Variants in ZNF423 observed in about 807,000 individuals in gnomAD.
ZNF423 encodes the protein Ebf-associated zinc finger protein.
In ZNF423, 12 loss-of-function variants were observed where a neutral mutation model predicts 95.8. That is an observed-to-expected ratio of 0.13 (90% CI 0.08 to 0.20). The LOEUF (loss-of-function observed/expected upper bound fraction) is 0.20. ZNF423 is among the 10% of genes least tolerant of loss of function. The pLI, the probability that ZNF423 is intolerant of heterozygous loss-of-function variation, is 1.00. For synonymous variants in ZNF423, 749 were observed against 711.9 expected (o/e 1.05, Z -0.83); for missense variants, 1,316 against 1,737.1 (o/e 0.76, Z 4.31).
At chr16:49,750,747 A>G (rs1248128554) in intron 2 of ZNF423, among the ~76,000 whole-genome samples, 4 of 152,202 alleles carry the variant, frequency 2.6e-5, no homozygotes, top group African/African-American at 4.8e-5. Context: ...GTGAGTGATC[A>G]GCGCATCCAA....
chr16:49,633,394 A>G (rs1018886392), intron 4 of ZNF423, among the ~76,000 whole-genome samples: 16 of 152,206 alleles, frequency 1.1e-4, no homozygotes, highest in Admixed American at 5.9e-4. Flanking sequence ...AATGGTTCAC[A>G]AATGATGGGG....
chr16:49,725,675 A>AG (rs2032992545), intron 3 of ZNF423, among the ~76,000 whole-genome samples: 1 of 152,208 alleles, frequency 6.6e-6, no homozygotes, highest in African/African-American at 2.4e-5. Context: ...GGAGGGCTGC[A>AG]GGGCGTGTGT....
intron 1 of ZNF423, among the ~76,000 whole-genome samples, chr16:49,835,412 C>G (rs1236703801): frequency 6.6e-6 from 1 of 152,212 alleles, no homozygotes; most frequent in Non-Finnish European, 1.5e-5. Context: ...GGCCCCACAT[C>G]CCCGCAGAGG....
intron 1 of ZNF423, among the ~76,000 whole-genome samples, chr16:49,815,121 CTCA>C (rs1172584638): frequency 6.6e-6 from 1 of 152,184 alleles, no homozygotes; most frequent in East Asian, 1.9e-4. Flanking sequence ...CGGCAAGTTA[CTCA>C]GACTCTCAGA....
intron 5 of ZNF423, among the ~76,000 whole-genome samples, chr16:49,557,157 C>T (rs188492969): frequency 2.7e-4 from 41 of 152,334 alleles, no homozygotes; most frequent in African/African-American, 7.9e-4. Context: ...GTGACCAGGG[C>T]GTGCAGGGCG....
chr16:49,602,405 C>T (rs1347450909), intron 5 of ZNF423, among the ~76,000 whole-genome samples: 1 of 152,202 alleles, frequency 6.6e-6, no homozygotes, highest in Non-Finnish European at 1.5e-5. Context: ...CCTTGACAGC[C>T]CAGGCTGAGG....
At chr16:49,677,297 A>AGAAGG (rs2031127388) in intron 3 of ZNF423, among the ~76,000 whole-genome samples, 1 of 78,334 alleles carries the variant, frequency 1.3e-5, no homozygotes, top group Non-Finnish European at 2.6e-5. Flanking sequence ...AGAAGAGAAG[A>AGAAGG]GAAGAGAAGA....
intron 5 of ZNF423, among the ~76,000 whole-genome samples, chr16:49,575,488 C>A (rs888735992): frequency 2.0e-5 from 3 of 152,174 alleles, no homozygotes; most frequent in Non-Finnish European, 2.9e-5. Context: ...TTCACAACAC[C>A]CGGGCTGTGA....
intron 5 of ZNF423, among the ~76,000 whole-genome samples, chr16:49,560,757 T>C (rs973445329): frequency 1.3e-5 from 2 of 152,216 alleles, no homozygotes; most frequent in Admixed American, 6.5e-5. Flanking sequence ...AAAAGAACAA[T>C]GGCTGGATAA....
At chr16:49,572,318 T>C (rs895148496) in intron 5 of ZNF423, among the ~76,000 whole-genome samples, 1 of 151,812 alleles carries the variant, frequency 6.6e-6, no homozygotes, top group Non-Finnish European at 1.5e-5. Context: ...GGGAGAGGCA[T>C]TGGAGCAGGA....
chr16:49,691,887 A>G (rs4533281), intron 3 of ZNF423, among the ~76,000 whole-genome samples: 45,965 of 152,084 alleles, frequency 0.3, 7,569 homozygotes, highest in South Asian at 0.46. Flanking sequence ...GCTGAGGGAC[A>G]GGGCGGCTGT....
At position 49,636,032 on chromosome 16, in the gene ZNF423, G is replaced by A. The variant is rs7359362; in HGVS notation, c.3144C>T (p.Thr1048=). ...TSTLELKIHG[T]FHMQKLAGSS... ...TGCCCGCCAGCTTCTGCATGTGGAA[G>A]GTGCCATGGATCTTGAGCTCAAGCG... Residue 1048 remains threonine, a synonymous_variant, in exon 4 of 8, where the codon ACC becomes ACT. Coordinates refer to ENST00000563137, the MANE Select transcript of ZNF423 (RefSeq NM_001379286.1). This position sits in a 1 kb window ranked among gnomAD's most constrained non-coding sequence, Gnocchi z 8.6. The A allele has an allele frequency of 6.2e-7, 1 of 1,610,182 alleles. No individual in the cohort carries two copies. Among genetic ancestry groups the A allele is most frequent in the South Asian group, 1.1e-5 (1 of 90,896 alleles).
intron 3 of ZNF423, among the ~76,000 whole-genome samples, chr16:49,712,425 AT>A (rs1465264427): frequency 6.6e-6 from 1 of 152,230 alleles, no homozygotes; most frequent in Non-Finnish European, 1.5e-5. Flanking sequence ...TAGAAAGAGA[AT>A]TTGATTTCGG....
chr16:49,763,755 C>T, intron 2 of ZNF423, among the ~76,000 whole-genome samples: 1 of 152,150 alleles, frequency 6.6e-6, no homozygotes, highest in East Asian at 1.9e-4. Context: ...TCATGCCTTC[C>T]TGTTAATTTT....
At chr16:49,598,528 T>G (rs1455205578) in intron 5 of ZNF423, among the ~76,000 whole-genome samples, 1 of 152,186 alleles carries the variant, frequency 6.6e-6, no homozygotes, top group Non-Finnish European at 1.5e-5. Context: ...GAAAGGGGGC[T>G]GCCTGGAGAT....
chr16:49,760,667 T>C (rs1345600512), intron 2 of ZNF423, among the ~76,000 whole-genome samples: 2 of 151,914 alleles, frequency 1.3e-5, no homozygotes, highest in Non-Finnish European at 2.9e-5. Flanking sequence ...CAGCACAAGA[T>C]AGGAGCACAG....
chr16:49,586,265 C>CT (rs58267473), intron 5 of ZNF423, among the ~76,000 whole-genome samples: 33 of 147,892 alleles, frequency 2.2e-4, no homozygotes, highest in South Asian at 2.1e-4. Context: ...TAATTACCAC[C>CT]TTTTTTTTTT....
At chr16:49,802,914 C>T (rs887329863) in intron 1 of ZNF423, among the ~76,000 whole-genome samples, 7 of 152,082 alleles carry the variant, frequency 4.6e-5, no homozygotes, top group African/African-American at 1.2e-4. Flanking sequence ...CTCTGTATTC[C>T]GCTTTTCTAA....
chr16:49,610,931 C>A (rs1322613541), intron 5 of ZNF423, among the ~76,000 whole-genome samples: 1 of 151,888 alleles, frequency 6.6e-6, no homozygotes, highest in Non-Finnish European at 1.5e-5. Context: ...GAACATTAAA[C>A]AATGATAAAG....
Sources: gnomAD v4.1 joint callset for allele counts (sites outside exome capture counted in the v4.1 genomes callset) on GRCh38, gnomAD v4.1.1 for gene constraint, Gnocchi (gnomAD v3.1) non-coding constraint, MANE v1.5 for transcripts, NCBI Gene and HGNC (gene_info 2026-07-23, HGNC 2026-07-21) for gene names.